SCN11A: variants seen among roughly 807,000 people sequenced by gnomAD.
SCN11A encodes the protein sodium channel protein type 11 subunit alpha.
In SCN11A, 122 loss-of-function variants were observed where a neutral mutation model predicts 162.2. The ratio of observed to expected loss-of-function variants is 0.75; its 90% CI spans 0.65 to 0.87. The LOEUF (loss-of-function observed/expected upper bound fraction) is 0.87, where lower values mean the gene tolerates loss of function less well. SCN11A is among the 40% of genes least tolerant of loss of function. SCN11A has a pLI of 0.00. For missense variants in SCN11A, 2,015 were observed against 2,181.6 expected (o/e 0.92, Z 1.52); for synonymous variants, 758 against 751.5 (o/e 1.01, Z -0.14).
chr3:38,999,118 A>G (rs1018412975), intron 2 of SCN11A, among the ~76,000 whole-genome samples: 3 of 152,218 alleles, frequency 2.0e-5, no homozygotes, highest in African/African-American at 4.8e-5. Flanking sequence ...TCTACTTAAC[A>G]TGAATCCACT....
At chr3:38,889,163 TGC>T (rs1440303258) in intron 19 of SCN11A, among the ~76,000 whole-genome samples, 1 of 152,134 alleles carries the variant, frequency 6.6e-6, no homozygotes, top group Non-Finnish European at 1.5e-5. Flanking sequence ...CGGTGGCTTA[TGC>T]CTGTAATTCC....
At chr3:38,870,173 A>C (rs2065102122) in intron 26 of SCN11A, among the ~76,000 whole-genome samples, 1 of 152,176 alleles carries the variant, frequency 6.6e-6, no homozygotes, top group African/African-American at 2.4e-5. Context: ...CAACTTTGGG[A>C]ATCTGTGATT....
At chr3:39,048,802 G>A (rs1450267603) in intron 1 of SCN11A, among the ~76,000 whole-genome samples, 12 of 152,094 alleles carry the variant, frequency 7.9e-5, no homozygotes, top group African/African-American at 2.9e-4. Context: ...TTTCTTCTTC[G>A]GGATGCTCAT....
At chr3:38,876,513 A>T (rs1319419277) in intron 23 of SCN11A, among the ~76,000 whole-genome samples, 1 of 152,130 alleles carries the variant, frequency 6.6e-6, no homozygotes, top group African/African-American at 2.4e-5. Context: ...ATCAGCAAGT[A>T]AAAAAACAAA....
At chr3:38,941,506 T>C (rs1459239185) in intron 7 of SCN11A, among the ~76,000 whole-genome samples, 1 of 152,102 alleles carries the variant, frequency 6.6e-6, no homozygotes, top group Admixed American at 6.5e-5. Flanking sequence ...GCAAAAATGA[T>C]AAACTGTATT....
intron 8 of SCN11A, 107 bp downstream of exon 8, chr3:38,926,696 C>G: frequency 8.7e-7 from 1 of 1,150,878 alleles, no homozygotes; most frequent in Non-Finnish European, 1.3e-6. Context: ...CTAGGCATTA[C>G]TAGGCCATAC....
chr3:38,865,054 G>A (rs11720988), intron 27 of SCN11A, among the ~76,000 whole-genome samples: 38,708 of 151,974 alleles, frequency 0.25, 5,066 homozygotes, highest in Middle Eastern at 0.3. Flanking sequence ...AAATATTTAT[G>A]AATCAAATGA....
At chr3:39,009,937 C>G (rs976348219) in intron 2 of SCN11A, among the ~76,000 whole-genome samples, 1 of 150,678 alleles carries the variant, frequency 6.6e-6, no homozygotes, top group African/African-American at 2.4e-5. Flanking sequence ...CTCCTACCTC[C>G]GCGTCTCAAA....
intron 4 of SCN11A, among the ~76,000 whole-genome samples, chr3:38,951,212 G>A (rs1359084128): frequency 6.6e-6 from 1 of 152,216 alleles, no homozygotes; most frequent in African/African-American, 2.4e-5. Context: ...TGGAGTTCCG[G>A]GTGGGCGTGG....
chr3:38,881,027 G>A (rs945071606), intron 22 of SCN11A, among the ~76,000 whole-genome samples: 1 of 152,188 alleles, frequency 6.6e-6, no homozygotes, highest in African/African-American at 2.4e-5. Context: ...CAGCTCCAAA[G>A]TCCTGGGGTG....
intron 28 of SCN11A, among the ~76,000 whole-genome samples, chr3:38,854,759 C>A (rs1234171660): frequency 1.3e-5 from 2 of 152,184 alleles, no homozygotes; most frequent in African/African-American, 4.8e-5. Flanking sequence ...AAGGTTGTAA[C>A]CTTACCTAGA....
chr3:39,027,568 T>C (rs2031622531), intron 2 of SCN11A, among the ~76,000 whole-genome samples: 1 of 152,168 alleles, frequency 6.6e-6, no homozygotes, highest in Non-Finnish European at 1.5e-5. Context: ...AAATGAACTT[T>C]AGGAATAAAC....
At chr3:38,996,212 T>TA (rs1471015871) in intron 2 of SCN11A, among the ~76,000 whole-genome samples, 3 of 152,162 alleles carry the variant, frequency 2.0e-5, no homozygotes, top group Non-Finnish European at 4.4e-5. Flanking sequence ...AGCCTACTCT[T>TA]AGACACATAT....
chr3:39,009,363 G>A (rs1010913711), intron 2 of SCN11A, among the ~76,000 whole-genome samples: 11 of 151,356 alleles, frequency 7.3e-5, no homozygotes, highest in Non-Finnish European at 1.5e-4. Context: ...CTCTTTGGTC[G>A]TCTGATCCTG....
intron 7 of SCN11A, among the ~76,000 whole-genome samples, chr3:38,941,888 G>A (rs1396607667): frequency 6.6e-6 from 1 of 151,498 alleles, no homozygotes. Context: ...ATGAACTTTA[G>A]TCATCAAAAG....
chr3:38,997,749 G>C (rs2030688591), intron 2 of SCN11A, among the ~76,000 whole-genome samples: 1 of 152,198 alleles, frequency 6.6e-6, no homozygotes, highest in Admixed American at 6.5e-5. Context: ...GAATCTCCAT[G>C]TTCATCTCTA....
intron 23 of SCN11A, among the ~76,000 whole-genome samples, chr3:38,876,706 T>C (rs182208970): frequency 6.6e-6 from 1 of 151,962 alleles, no homozygotes; most frequent in East Asian, 1.9e-4. Context: ...AAATGATAGA[T>C]GTTGGCGTGG....
rs573840206 is a variant in SCN11A, at chr3:38,894,107, C to A, written c.2835+426G>T. 2.5e-4 allele frequency among the ~76,000 whole-genome samples: 38 copies of A among 152,320 alleles called. 1 individual carries two copies. In the South Asian group the frequency reaches 7.7e-3, roughly 31 times the overall value. ...ACAGCCCTCATCTCCCACCACTCCTCACCCACAAGATTGGTCTCTGCAGAA... is the reference window on the plus strand; with the variant it reads ...ACAGCCCTCATCTCCCACCACTCCTAACCCACAAGATTGGTCTCTGCAGAA... On this transcript the variant is annotated intron_variant, in intron 19 of 29. Transcript: ENST00000302328.
At chr3:38,987,913 A>G (rs767380877) in intron 2 of SCN11A, among the ~76,000 whole-genome samples, 8 of 152,120 alleles carry the variant, frequency 5.3e-5, no homozygotes, top group Non-Finnish European at 1.0e-4. Flanking sequence ...GCTTGCACAT[A>G]ACTCACTTTG....
Sources: allele counts gnomAD v4.1 joint callset (sites outside exome capture counted in the v4.1 genomes callset), GRCh38; gene constraint gnomAD v4.1.1; transcripts MANE v1.5; gene names NCBI Gene and HGNC (gene_info 2026-07-23, HGNC 2026-07-21).